The following VPS13B variants were observed in gnomAD, a reference collection of about 807,000 sequenced individuals.
VPS13B encodes vacuolar protein sorting 13 homolog B, also known as intermembrane lipid transfer protein VPS13B.
Under a neutral mutation model 426.4 loss-of-function variants are expected in VPS13B, and 285 were observed. That is an observed-to-expected ratio of 0.67 (90% CI 0.61 to 0.74). VPS13B has a LOEUF of 0.74. VPS13B is among the 30% of genes least tolerant of loss of function. The pLI, the probability that VPS13B is intolerant of heterozygous loss-of-function variation, is 0.00. For synonymous variants in VPS13B, 1,676 were observed against 1,676.4 expected (o/e 1.00, Z 0.01); for missense variants, 4,537 against 4,782.6 (o/e 0.95, Z 1.51).
intron 21 of VPS13B, among the ~76,000 whole-genome samples, chr8:99,426,214 C>T (rs1348321199): frequency 1.4e-5 from 2 of 144,466 alleles, no homozygotes; most frequent in Non-Finnish European, 3.0e-5. Flanking sequence ...TTTCCAATTT[C>T]ATCCATGTCC....
intron 39 of VPS13B, among the ~76,000 whole-genome samples, chr8:99,726,752 C>T (rs1280110358): frequency 6.6e-6 from 1 of 152,204 alleles, no homozygotes; most frequent in East Asian, 1.9e-4. Flanking sequence ...GATGGGGCTT[C>T]ACCATGTTGG....
At chr8:99,417,989 G>A (rs567807218) in intron 21 of VPS13B, among the ~76,000 whole-genome samples, 1 of 152,192 alleles carries the variant, frequency 6.6e-6, no homozygotes, top group African/African-American at 2.4e-5. Context: ...AGTCCTCCCA[G>A]TCCATGCTTT....
intron 3 of VPS13B, among the ~76,000 whole-genome samples, chr8:99,090,971 G>A (rs1176637310): frequency 6.6e-6 from 1 of 151,978 alleles, no homozygotes; most frequent in East Asian, 1.9e-4. Flanking sequence ...GTGGCAATCG[G>A]ATACACACCC....
At chr8:99,149,755 G>A (rs1041275948) in intron 14 of VPS13B, among the ~76,000 whole-genome samples, 1 of 152,116 alleles carries the variant, frequency 6.6e-6, no homozygotes, top group African/African-American at 2.4e-5. Flanking sequence ...GTGAATGGCA[G>A]GTGAGTGAGC....
chr8:99,251,464 A>C (rs373230352), intron 17 of VPS13B, among the ~76,000 whole-genome samples: 35 of 152,152 alleles, frequency 2.3e-4, no homozygotes, highest in African/African-American at 7.7e-4. Flanking sequence ...GGTGGATTGC[A>C]TTGATGTTTT....
At chr8:99,733,591 G>C (rs1163092029) in intron 39 of VPS13B, among the ~76,000 whole-genome samples, 3 of 152,134 alleles carry the variant, frequency 2.0e-5, no homozygotes, top group African/African-American at 7.2e-5. Context: ...CTCTTGTTCT[G>C]TCCTAGATTT....
chr8:99,494,094 A>G (rs3103100), intron 25 of VPS13B, among the ~76,000 whole-genome samples: 29,623 of 152,070 alleles, frequency 0.19, 3,384 homozygotes, highest in East Asian at 0.38. Flanking sequence ...GTTACTGTAC[A>G]ATCATGATTT....
chr8:99,691,370 G>A (rs993509789), intron 35 of VPS13B, among the ~76,000 whole-genome samples: 2 of 151,982 alleles, frequency 1.3e-5, no homozygotes, highest in Admixed American at 6.6e-5. Flanking sequence ...GGTAATTTTT[G>A]TGGCATGTGA....
Position 99,334,013 on chromosome 8 carries a change from T to C in VPS13B, c.2825-50195T>C, listed in dbSNP as rs1389838280. Among the ~76,000 whole-genome samples, 3 of 152,118 alleles carry C rather than the reference T, an allele frequency of 2.0e-5. No individual in the cohort carries two copies. In the East Asian group the frequency reaches 5.8e-4, roughly 29 times the overall value. The stretch of plus-strand genomic sequence containing the variant: ...GTTTCTATTTTGTGGTTATTGTGTT[T>C]AAACCTGCTATAAAATTCTTTTACA... On this transcript the variant is annotated intron_variant, in intron 19 of 61. Transcript: ENST00000357162.
Position 99,038,530 on chromosome 8 carries a change from T to C in VPS13B, c.255T>C (p.Thr85=). Reference sequence around the variant, plus strand: ...AACCAGTGGTAATTACCATCAATACTATGGAATGCATTTTGAAACTTAAGG... The same window carrying C: ...AACCAGTGGTAATTACCATCAATACCATGGAATGCATTTTGAAACTTAAGG... The part of the protein sequence containing the change: ...GSEPVVITIN[T]MECILKLKDG... Residue 85 remains threonine (T), a synonymous_variant, in exon 3 of 62, where the codon ACT becomes ACC. Transcript: ENST00000357162. The C allele has an allele frequency of 1.9e-6, 3 of 1,613,036 alleles. No individual in the cohort carries two copies. The highest frequency in any genetic ancestry group is 1.7e-6 in the Non-Finnish European group (2 of 1,179,420).
intron 3 of VPS13B, among the ~76,000 whole-genome samples, chr8:99,046,843 G>GT (rs758919713): frequency 2.6e-4 from 40 of 152,202 alleles, no homozygotes; most frequent in South Asian, 4.1e-4. Context: ...TGACTCGTGT[G>GT]TGTTAAACCA....
At position 99,816,420 on chromosome 8, in the gene VPS13B, T is replaced by C. The variant is rs537616930; in HGVS notation, c.8098-1120T>C. ...CCTGGCCAAGACCCCCATTTCTTAA[T>C]ACCTACTATGAACTATACTCTCTTA... On this transcript the variant is annotated intron_variant, in intron 44 of 61. Transcript: ENST00000357162. 1.6e-4 allele frequency among the ~76,000 whole-genome samples: 24 copies of C among 152,278 alleles called. No homozygotes were observed. The South Asian group carries it at 4.6e-3, about 29-fold the overall frequency.
intron 6 of VPS13B, among the ~76,000 whole-genome samples, chr8:99,112,175 A>T (rs983007744): frequency 6.6e-6 from 1 of 152,184 alleles, no homozygotes; most frequent in Non-Finnish European, 1.5e-5. Flanking sequence ...TTGTCTGCCT[A>T]TCATTGTATC....
Position 99,130,774 on chromosome 8 carries a change from G to A in VPS13B, c.1207-3858G>A, listed in dbSNP as rs148286898. ...TTTAAAAAAATTCAAGTTTACTTCA[G>A]TAATCATTCTAGATTACAGAATTGT... On this transcript the variant is annotated intron_variant, in intron 8 of 61. Coordinates refer to ENST00000357162, the MANE Select transcript of VPS13B (RefSeq NM_152564.5). Among the ~76,000 whole-genome samples the A allele has an allele frequency of 1.7e-3, 256 of 152,212 alleles. 1 individual carries two copies. Among genetic ancestry groups the A allele is most frequent in the African/African-American group, 6.0e-3 (251 of 41,544 alleles).
At chr8:99,285,492 G>A (rs951604024) in intron 19 of VPS13B, among the ~76,000 whole-genome samples, 20 of 152,190 alleles carry the variant, frequency 1.3e-4, no homozygotes, top group African/African-American at 4.6e-4. Flanking sequence ...TTGTATACTG[G>A]GCTGCAGGTG....
chr8:99,414,785 C>A (rs537644104), intron 21 of VPS13B, among the ~76,000 whole-genome samples: 23 of 152,322 alleles, frequency 1.5e-4, no homozygotes, highest in African/African-American at 3.8e-4. Context: ...GCCAAGAGAT[C>A]CGATGTTAGT....
At chr8:99,378,025 G>C (rs939458136) in intron 19 of VPS13B, among the ~76,000 whole-genome samples, 1 of 151,428 alleles carries the variant, frequency 6.6e-6, no homozygotes, top group African/African-American at 2.4e-5. Context: ...TCGCCAGGCT[G>C]GAATTTCCTA....
intron 23 of VPS13B, among the ~76,000 whole-genome samples, chr8:99,457,214 T>C (rs73271310): frequency 0.017 from 2,564 of 152,126 alleles, 65 homozygotes; most frequent in African/African-American, 0.059. Context: ...TTATTTTTAG[T>C]AGAGTTGGGG....
intron 19 of VPS13B, among the ~76,000 whole-genome samples, chr8:99,325,305 C>T (rs1416941076): frequency 6.6e-6 from 1 of 152,152 alleles, no homozygotes; most frequent in Non-Finnish European, 1.5e-5. Context: ...CTGCTTTAGA[C>T]TAACTTCTCA....
Sources: allele counts gnomAD v4.1 joint callset (sites outside exome capture counted in the v4.1 genomes callset), GRCh38; gene constraint gnomAD v4.1.1; transcripts MANE v1.5; gene names NCBI Gene and HGNC (gene_info 2026-07-23, HGNC 2026-07-21).